CLEC16A: variants seen among roughly 807,000 people sequenced by gnomAD.
The protein encoded by CLEC16A is C-type lectin domain containing 16A, also known as protein CLEC16A.
In CLEC16A, 51 loss-of-function variants were observed where a neutral mutation model predicts 109.5. That is an observed-to-expected ratio of 0.47 (90% confidence interval 0.37 to 0.59). CLEC16A has a LOEUF of 0.59. Ranked by LOEUF, CLEC16A falls within the 20% of genes least tolerant of loss-of-function variation. CLEC16A has a pLI of 0.00. For missense variants in CLEC16A, 1,339 were observed against 1,394.0 expected (o/e 0.96, Z 0.63); for synonymous variants, 673 against 564.2 (o/e 1.19, Z -2.73).
At chr16:11,137,665 C>T (rs113959717) in intron 22 of CLEC16A, among the ~76,000 whole-genome samples, 61 of 150,702 alleles carry the variant, frequency 4.0e-4, no homozygotes, top group African/African-American at 1.3e-3. Flanking sequence ...AAAAAGTAGC[C>T]GGGCGTGGTG....
intron 19 of CLEC16A, among the ~76,000 whole-genome samples, chr16:11,094,340 A>T (rs1299604370): frequency 6.6e-6 from 1 of 152,210 alleles, no homozygotes; most frequent in Non-Finnish European, 1.5e-5. Context: ...GCCGAGCCTG[A>T]TAAGTTTCCA....
intron 18 of CLEC16A, among the ~76,000 whole-genome samples, chr16:11,055,575 C>CTTTGTT (rs2048169693): frequency 2.4e-5 from 1 of 41,756 alleles, no homozygotes; most frequent in Non-Finnish European, 4.2e-5. Context: ...TTCCCTCTTG[C>CTTTGTT]TTTTTTTTTT....
chr16:10,994,273 A>G (rs1487838910), intron 10 of CLEC16A, among the ~76,000 whole-genome samples: 2 of 152,090 alleles, frequency 1.3e-5, no homozygotes, highest in Admixed American at 1.3e-4. Flanking sequence ...CGCCTCACTG[A>G]TGTTGCAGCT....
chr16:10,979,517 C>T, intron 9 of CLEC16A, 135 bp downstream of exon 9: 1 of 726,524 alleles, frequency 1.4e-6, no homozygotes, highest in Non-Finnish European at 2.3e-6. Flanking sequence ...AACAGCAAAA[C>T]AGAAGGGGCT....
At chr16:11,094,289 C>T (rs1250830230) in intron 19 of CLEC16A, among the ~76,000 whole-genome samples, 2 of 152,192 alleles carry the variant, frequency 1.3e-5, no homozygotes, top group Non-Finnish European at 2.9e-5. Flanking sequence ...GTCAGGGGTT[C>T]CAGAGGCTTG....
chr16:11,075,355 C>A (rs1205564213), intron 19 of CLEC16A, among the ~76,000 whole-genome samples: 1 of 150,082 alleles, frequency 6.7e-6, no homozygotes, highest in Non-Finnish European at 1.5e-5. Context: ...AGTCCCAGCC[C>A]AGCACTGTGA....
At chr16:11,004,434 G>T (rs1183159970) in intron 11 of CLEC16A, among the ~76,000 whole-genome samples, 1 of 152,190 alleles carries the variant, frequency 6.6e-6, no homozygotes, top group African/African-American at 2.4e-5. Context: ...CTCCTCAGCA[G>T]TCTGGTTGCA....
intron 18 of CLEC16A, among the ~76,000 whole-genome samples, chr16:11,055,747 T>A (rs990395257): frequency 2.0e-5 from 3 of 151,736 alleles, no homozygotes; most frequent in Admixed American, 6.6e-5. Flanking sequence ...GCTGATTTTT[T>A]AATTTTTTTT....
intron 19 of CLEC16A, among the ~76,000 whole-genome samples, chr16:11,093,022 C>T (rs1177194705): frequency 6.6e-6 from 1 of 152,188 alleles, no homozygotes; most frequent in African/African-American, 2.4e-5. Context: ...GGATGAGGAG[C>T]ATCCTTACCT....
chr16:11,171,137 T>A (rs890161089), intron 23 of CLEC16A, among the ~76,000 whole-genome samples: 3 of 152,180 alleles, frequency 2.0e-5, no homozygotes, highest in Non-Finnish European at 4.4e-5. Context: ...TTGAGGAACA[T>A]TCCCCATGCC....
At chr16:10,996,782 G>A (rs534530978) in intron 10 of CLEC16A, among the ~76,000 whole-genome samples, 10 of 152,102 alleles carry the variant, frequency 6.6e-5, no homozygotes, top group East Asian at 1.9e-4. Flanking sequence ...TCTGAGAGGC[G>A]TGGACTGTGG....
chr16:11,094,665 C>T (rs2050503212), intron 19 of CLEC16A, among the ~76,000 whole-genome samples: 1 of 152,186 alleles, frequency 6.6e-6, no homozygotes, highest in Non-Finnish European at 1.5e-5. Context: ...TCCTGTGGGG[C>T]CCTGCATGCC....
intron 19 of CLEC16A, among the ~76,000 whole-genome samples, chr16:11,120,111 A>G (rs1252869913): frequency 6.6e-6 from 1 of 152,214 alleles, no homozygotes; most frequent in Non-Finnish European, 1.5e-5. Context: ...CTGGGATTAC[A>G]GGTGCCCACC....
At chr16:11,021,926 A>T (rs2046124462) in intron 12 of CLEC16A, among the ~76,000 whole-genome samples, 1 of 152,178 alleles carries the variant, frequency 6.6e-6, no homozygotes, top group Non-Finnish European at 1.5e-5. Context: ...TGGAAGAGAA[A>T]CACCCATGTA....
chr16:11,040,417 A>C (rs1597160310), intron 14 of CLEC16A: 1 of 152,954 alleles, frequency 6.5e-6, no homozygotes, highest in Admixed American at 6.5e-5. Flanking sequence ...TGGGGCCAGG[A>C]GAGCCGATGG....
chr16:11,075,829 G>T (rs2049340561), intron 19 of CLEC16A, among the ~76,000 whole-genome samples: 1 of 152,114 alleles, frequency 6.6e-6, no homozygotes, highest in African/African-American at 2.4e-5. Context: ...TTAGCACTGT[G>T]CCTGGCGTCT....
intron 17 of CLEC16A, among the ~76,000 whole-genome samples, chr16:11,050,019 A>G (rs1296246844): frequency 6.6e-6 from 1 of 152,210 alleles, no homozygotes; most frequent in Non-Finnish European, 1.5e-5. Flanking sequence ...TGCAGCTATA[A>G]CAGAATACCA....
chr16:11,138,715 G>C (rs904931482), intron 22 of CLEC16A, among the ~76,000 whole-genome samples: 1 of 152,208 alleles, frequency 6.6e-6, no homozygotes, highest in Non-Finnish European at 1.5e-5. Context: ...AATGACCACT[G>C]TTTTCACTCA....
chr16:11,130,530 C>A (rs1467584665), intron 22 of CLEC16A, among the ~76,000 whole-genome samples: 2 of 152,228 alleles, frequency 1.3e-5, no homozygotes, highest in Non-Finnish European at 2.9e-5. Flanking sequence ...TCACCACCCT[C>A]CTCCTACTCA....
Sources: gnomAD v4.1 joint callset for allele counts (sites outside exome capture counted in the v4.1 genomes callset) on GRCh38, gnomAD v4.1.1 for gene constraint, MANE v1.5 for transcripts, NCBI Gene and HGNC (gene_info 2026-07-23, HGNC 2026-07-21) for gene names.